Variants in NCAN observed in about 807,000 individuals in gnomAD.
NCAN encodes neurocan core protein.
In NCAN, 47 loss-of-function variants were observed where a neutral mutation model predicts 121.8. The ratio of observed to expected loss-of-function variants is 0.39; its 90% confidence interval spans 0.31 to 0.49. The LOEUF (loss-of-function observed/expected upper bound fraction) is 0.49. Ranked by LOEUF, NCAN falls within the 20% of genes least tolerant of loss-of-function variation. The pLI, the probability that NCAN is intolerant of heterozygous loss-of-function variation, is 0.92. For synonymous variants in NCAN, 633 were observed against 702.0 expected, an observed-to-expected ratio of 0.90 and a Z score of 1.55; for missense variants, 1,517 against 1,773.4, an observed-to-expected ratio of 0.86 and a Z score of 2.60.
chr19:19,227,519 G>A lies in NCAN; in HGVS notation c.1899G>A (p.Met633Ile), dbSNP rs768119647. 4 of 1,613,698 alleles carry A rather than the reference G, an allele frequency of 2.5e-6. No homozygotes were observed. Among genetic ancestry groups the A allele is most frequent in the African/African-American group, 1.3e-5 (1 of 74,868 alleles). The change falls in exon 8 of 15, where the codon ATG becomes ATA. Residue 633 changes from methionine to isoleucine, a missense_variant. Met to Ile is a conservative substitution (Grantham distance 10). Coordinates refer to ENST00000252575, the MANE Select transcript of NCAN (RefSeq NM_004386.3). The surrounding 1 kb of genome is among the most constrained non-coding windows in gnomAD (Gnocchi z 4.2). The stretch of plus-strand genomic sequence containing the variant: ...CCACCTCCCCAGATCTCCCTATGAT[G>A]GCCATGCTGCGTGGTCCCAAAGAGT... ...PVATSPDLPM[M>I]AMLRGPKEWM...
chr19:19,249,026 T>C, intron 14 of NCAN, 144 bp downstream of exon 14: 2 of 787,078 alleles, frequency 2.5e-6, no homozygotes, highest in Non-Finnish European at 4.1e-6. Flanking sequence ...CTTACCAGCC[T>C]GTCTGATGTT....
Position 19,249,962 on chromosome 19 carries a change from C to T in NCAN, c.*51C>T. Reference sequence around the variant, plus strand: ...ACCTTTCCCATGCCTCCTCTGGAGCCTTCGCCTGGGGAGACAGAACCCAGA... The same window carrying T: ...ACCTTTCCCATGCCTCCTCTGGAGCTTTCGCCTGGGGAGACAGAACCCAGA... On this transcript the variant is annotated 3_prime_UTR_variant, in exon 15 of 15. Coordinates refer to ENST00000252575, the MANE Select transcript of NCAN (RefSeq NM_004386.3). 1 of 1,560,102 alleles carries T rather than the reference C, an allele frequency of 6.4e-7. No homozygotes were observed. The highest frequency in any genetic ancestry group is 8.7e-7 in the Non-Finnish European group (1 of 1,147,632).
At chr19:19,233,107 TATTTTTAGTAGAG>T (rs2060866856) in intron 8 of NCAN, among the ~76,000 whole-genome samples, 1 of 152,082 alleles carries the variant, frequency 6.6e-6, no homozygotes, top group Admixed American at 6.6e-5. Flanking sequence ...TAATTTTTTG[TATTTTTAGTAGAG>T]ATGGGGTTTC....
intron 3 of NCAN, among the ~76,000 whole-genome samples, chr19:19,223,712 A>T (rs1010129114): frequency 4.6e-5 from 7 of 152,262 alleles, no homozygotes; most frequent in African/African-American, 1.4e-4. Context: ...ACCTAAAGTG[A>T]TCTGCCCACC....
intron 1 of NCAN, among the ~76,000 whole-genome samples, chr19:19,214,075 C>T (rs1191420243): frequency 6.6e-6 from 1 of 152,172 alleles, no homozygotes. Context: ...ACACCCTTGC[C>T]AGGACACAAC....
intron 12 of NCAN, among the ~76,000 whole-genome samples, chr19:19,244,822 G>C (rs1032908155): frequency 6.7e-6 from 1 of 149,502 alleles, no homozygotes. Flanking sequence ...TCTGCCTCCC[G>C]GGTTCAAACA....
At position 19,227,251 on chromosome 19, in the gene NCAN, A is replaced by G; in HGVS notation, c.1661-30A>G. 1.3e-6 allele frequency: 2 copies of G among 1,521,654 alleles called. No homozygotes were observed. The highest frequency in any genetic ancestry group is 8.8e-7 in the Non-Finnish European group (1 of 1,135,988). The allele number at this position is 1,521,654 out of a possible 1,614,324, so 94.3% of individuals were successfully genotyped here. The stretch of plus-strand genomic sequence containing the variant: ...CAACCAAAGGGGCTGCTGAGAGATC[A>G]TTGTAATGATTGCCTTGATGTTGTT... On this transcript the variant is annotated intron_variant, in intron 7 of 14. Transcript: ENST00000252575. The surrounding 1 kb of genome is among the most constrained non-coding windows in gnomAD (Gnocchi z 4.2).
chr19:19,235,946 C>T (rs534324521), intron 10 of NCAN, among the ~76,000 whole-genome samples: 1 of 152,156 alleles, frequency 6.6e-6, no homozygotes, highest in East Asian at 1.9e-4. Flanking sequence ...AAGGTTTCAC[C>T]ATGTTGCCCA....
chr19:19,240,358 C>T (rs2060898960), intron 11 of NCAN, among the ~76,000 whole-genome samples: 1 of 151,960 alleles, frequency 6.6e-6, no homozygotes, highest in Non-Finnish European at 1.5e-5. Context: ...CCATACATAC[C>T]TCACCCGGCC....
intron 10 of NCAN, among the ~76,000 whole-genome samples, chr19:19,236,534 A>C (rs1332466257): frequency 1.4e-5 from 2 of 148,108 alleles, no homozygotes; most frequent in Non-Finnish European, 3.0e-5. Flanking sequence ...TTTTCCCTCT[A>C]CTCTTTTTGG....
chr19:19,245,438 T>C lies in NCAN; in HGVS notation c.3618T>C (p.Tyr1206=), dbSNP rs2060920951. 4 of 1,614,118 alleles carry C rather than the reference T, an allele frequency of 2.5e-6. No individual in the cohort carries two copies. Among genetic ancestry groups the C allele is most frequent in the Admixed American group, 3.3e-5 (2 of 60,022 alleles). The change falls in exon 13 of 15, where the codon TAT becomes TAC. Residue 1206 remains tyrosine, a synonymous_variant. Transcript: ENST00000252575. ...TCCCCTGCAACTACAACCTACCCTA[T>C]GTCTGCAAGAAGGGCACAGGTATGC... ...NDVPCNYNLP[Y]VCKKGTVLCG...
chr19:19,214,513 A>G (rs1279533363), intron 1 of NCAN, among the ~76,000 whole-genome samples: 2 of 152,026 alleles, frequency 1.3e-5, no homozygotes, highest in Non-Finnish European at 2.9e-5. Flanking sequence ...TTTTTAGCGT[A>G]TACATGAGGC....
At chr19:19,215,351 C>T (rs942715261) in intron 1 of NCAN, among the ~76,000 whole-genome samples, 2 of 152,094 alleles carry the variant, frequency 1.3e-5, no homozygotes, top group Non-Finnish European at 2.9e-5. Context: ...CCCTGGTGAC[C>T]GGGGTTCGCA....
chr19:19,229,523 G>A (rs553349692), intron 8 of NCAN, among the ~76,000 whole-genome samples: 2 of 152,324 alleles, frequency 1.3e-5, no homozygotes, highest in Middle Eastern at 3.4e-3. Flanking sequence ...TGCAAGGGGC[G>A]AGAATCACCC....
rs774862586 is a variant in NCAN, at chr19:19,228,544, C to T, written c.2924C>T (p.Ala975Val). ...GIEDFELEVLAGSPGVESFWE... is the reference protein window; with the variant it reads ...GIEDFELEVLVGSPGVESFWE... ...GAGGACTTCGAACTGGAGGTCCTGG[C>T]AGGGAGCCCGGGTGTAGAGAGCTTC... The change falls in exon 8 of 15, where the codon GCA becomes GTA. Residue 975 changes from alanine to valine, a missense_variant. Coordinates refer to ENST00000252575, the MANE Select transcript of NCAN (RefSeq NM_004386.3). The T allele has an allele frequency of 6.2e-7, 1 of 1,613,128 alleles. No individual in the cohort carries two copies. Among genetic ancestry groups the T allele is most frequent in the African/African-American group, 1.3e-5 (1 of 74,938 alleles).
intron 1 of NCAN, among the ~76,000 whole-genome samples, chr19:19,216,001 C>A (rs189891937): frequency 6.6e-6 from 1 of 152,322 alleles, no homozygotes; most frequent in African/African-American, 2.4e-5. Flanking sequence ...TTATCCCCAT[C>A]TGACCCACAA....
At chr19:19,215,698 A>T (rs962453081) in intron 1 of NCAN, among the ~76,000 whole-genome samples, 3 of 152,124 alleles carry the variant, frequency 2.0e-5, no homozygotes, top group Non-Finnish European at 4.4e-5. Context: ...GTGACAACCA[A>T]ATCCTGGAAT....
At position 19,225,186 on chromosome 19, in the gene NCAN, C is replaced by T; in HGVS notation, c.988C>T (p.Pro330Ser). Residue 330 changes from proline (P) to serine (S), a missense_variant, in exon 6 of 15, where the codon CCG becomes TCG. Transcript: ENST00000252575. The surrounding 1 kb of genome is among the most constrained non-coding windows in gnomAD (Gnocchi z 4.0). The stretch of plus-strand genomic sequence containing the variant: ...GCGCCGGCGCTGCGGGGGCCCAGCC[C>T]CGGGCGTGCGCACCGTCTACCGCTT... ...TPRRRCGGPA[P>S]GVRTVYRFAN... 8 of 1,551,464 alleles carry T rather than the reference C, an allele frequency of 5.2e-6. No individual in the cohort carries two copies. The highest frequency in any genetic ancestry group is 6.9e-6 in the Non-Finnish European group (8 of 1,159,972).
intron 3 of NCAN, among the ~76,000 whole-genome samples, chr19:19,222,325 G>A (rs1193707656): frequency 6.6e-6 from 1 of 152,104 alleles, no homozygotes; most frequent in Admixed American, 6.6e-5. Context: ...TGTCACCCAG[G>A]CTGGAGTTCA....
Sources: gnomAD v4.1 joint callset for allele counts (sites outside exome capture counted in the v4.1 genomes callset) on GRCh38, gnomAD v4.1.1 for gene constraint, Gnocchi (gnomAD v3.1) non-coding constraint, MANE v1.5 for transcripts, NCBI Gene and HGNC (gene_info 2026-07-23, HGNC 2026-07-21) for gene names.